Variants in RREB1 observed in about 807,000 individuals in gnomAD.
RREB1 encodes ras responsive element binding protein 1.
In RREB1, 27 loss-of-function variants were observed where a neutral mutation model predicts 117.8. The observed-to-expected ratio is 0.23, with a 90% CI of 0.17 to 0.32. The LOEUF is 0.32. Ranked by LOEUF, RREB1 falls within the 10% of genes least tolerant of loss-of-function variation. The pLI is 1.00. For synonymous variants in RREB1, 1,298 were observed against 1,026.7 expected, an observed-to-expected ratio of 1.26 and a Z score of -5.05; for missense variants, 2,577 against 2,378.2, an observed-to-expected ratio of 1.08 and a Z score of -1.74.
Position 7,210,870 on chromosome 6 carries a change from A to G in RREB1, c.492A>G (p.Lys164=). Residue 164 remains lysine, a synonymous_variant, in exon 7 of 13, where the codon AAA becomes AAG. Coordinates refer to ENST00000379938, the MANE Select transcript of RREB1 (RefSeq NM_001003699.4). ...ATATAPPSPL[K]RRRLSSKRKL... ...CCACAGCCCCTCCATCTCCTCTGAA[A>G]CGTAGGCGATTGTCCTCCAAGAGGA... The G allele has an allele frequency of 6.2e-7, 1 of 1,614,116 alleles. No individual in the cohort carries two copies. The highest frequency in any genetic ancestry group is 1.1e-5 in the South Asian group (1 of 91,078).
In RREB1 at chr6:7,184,235, C is replaced by T. The variant is rs564307103; in HGVS notation, c.171+2153C>T. On this transcript the variant is annotated intron_variant, in intron 4 of 12. Coordinates refer to ENST00000379938, the MANE Select transcript of RREB1 (RefSeq NM_001003699.4). The stretch of plus-strand genomic sequence containing the variant: ...CAGGAGGGCCTCTCTTCCAGTATCA[C>T]AGTGCTGTCTTTTCTAGTAGGTTCA... Among the ~76,000 whole-genome samples, 9 of 152,000 alleles carry T rather than the reference C, an allele frequency of 5.9e-5. No individual in the cohort carries two copies. In the South Asian group the frequency reaches 1.9e-3, roughly 32 times the overall value.
At chr6:7,119,425 G>A (rs973249553) in intron 1 of RREB1, among the ~76,000 whole-genome samples, 1 of 152,170 alleles carries the variant, frequency 6.6e-6, no homozygotes, top group Non-Finnish European at 1.5e-5. Flanking sequence ...CCACCAGTGT[G>A]TGGCCTTTGT....
chr6:7,244,548 A>G (rs1344360959), intron 11 of RREB1, among the ~76,000 whole-genome samples: 1 of 152,218 alleles, frequency 6.6e-6, no homozygotes, highest in African/African-American at 2.4e-5. Flanking sequence ...TTTCCTTGGA[A>G]TGTGGCCCAG....
chr6:7,184,770 T>G (rs1764992012), intron 4 of RREB1: 1 of 151,734 alleles, frequency 6.6e-6, no homozygotes, highest in Non-Finnish European at 1.5e-5. Context: ...GCAAGATGAT[T>G]TTTTAAACAA....
intron 1 of RREB1, among the ~76,000 whole-genome samples, chr6:7,170,919 C>CA (rs1764174049): frequency 6.6e-6 from 1 of 152,158 alleles, no homozygotes; most frequent in African/African-American, 2.4e-5. Context: ...CTCAGAAACT[C>CA]ACACTGCTGT....
intron 6 of RREB1, among the ~76,000 whole-genome samples, chr6:7,192,765 T>C (rs1331401492): frequency 6.6e-6 from 1 of 152,218 alleles, no homozygotes; most frequent in African/African-American, 2.4e-5. Context: ...TTGATTTCCC[T>C]CTATTCTGTT....
At chr6:7,140,491 A>T (rs759673578) in intron 1 of RREB1, among the ~76,000 whole-genome samples, 2 of 152,256 alleles carry the variant, frequency 1.3e-5, no homozygotes, top group Non-Finnish European at 2.9e-5. Context: ...CAGATATAGA[A>T]TAAACGTGTT....
intron 6 of RREB1, among the ~76,000 whole-genome samples, chr6:7,193,739 G>A (rs1015900056): frequency 1.6e-4 from 25 of 152,198 alleles, no homozygotes; most frequent in African/African-American, 6.0e-4. Context: ...GAACATAATT[G>A]TATGCAATAT....
At chr6:7,245,467 C>G (rs2113190993) in intron 11 of RREB1, among the ~76,000 whole-genome samples, 1 of 152,336 alleles carries the variant, frequency 6.6e-6, no homozygotes, top group African/African-American at 2.4e-5. Flanking sequence ...TTCCAATGTA[C>G]TGTCGTAATG....
At position 7,240,534 on chromosome 6, in the gene RREB1, G is replaced by C; in HGVS notation, c.3905G>C (p.Cys1302Ser). Residue 1302 changes from cysteine to serine, a missense_variant, in exon 11 of 13, where the codon TGT (cysteine) becomes TCT (serine). Transcript: ENST00000379938. ...TTGCGCAAACACGGAGTTACCACCT[G>C]TTCCCTGAGAAGAAACGGGCTTATC... ...HQLRKHGVTT[C>S]SLRRNGLIPQ... 6.2e-7 allele frequency: 1 copy of C among 1,613,976 alleles called. No individual in the cohort carries two copies. Among genetic ancestry groups the C allele is most frequent in the Non-Finnish European group, 8.5e-7 (1 of 1,179,934 alleles).
At chr6:7,129,643 G>T (rs1321404247) in intron 1 of RREB1, among the ~76,000 whole-genome samples, 1 of 152,242 alleles carries the variant, frequency 6.6e-6, no homozygotes, top group East Asian at 1.9e-4. Flanking sequence ...TACAGCCATA[G>T]ACTTGTTGAA....
intron 6 of RREB1, among the ~76,000 whole-genome samples, chr6:7,202,413 G>C (rs549953017): frequency 3.0e-4 from 45 of 152,200 alleles, no homozygotes; most frequent in Non-Finnish European, 5.9e-4. Context: ...AGTGGGAAAT[G>C]GCCCGTGACT....
At chr6:7,245,159 G>GCTGAGGTGGGTAGATCGC (rs1768928961) in intron 11 of RREB1, among the ~76,000 whole-genome samples, 1 of 152,230 alleles carries the variant, frequency 6.6e-6, no homozygotes, top group Non-Finnish European at 1.5e-5. Flanking sequence ...ACTTTGGGAG[G>GCTGAGGTGGGTAGATCGC]CTGAGGTGGG....
intron 1 of RREB1, among the ~76,000 whole-genome samples, chr6:7,131,367 T>C (rs911406307): frequency 6.6e-6 from 1 of 152,256 alleles, no homozygotes; most frequent in African/African-American, 2.4e-5. Flanking sequence ...GAAGGTGGCA[T>C]TTGGGGAGGT....
At chr6:7,177,768 G>T (rs1003462221) in intron 2 of RREB1, among the ~76,000 whole-genome samples, 1 of 151,980 alleles carries the variant, frequency 6.6e-6, no homozygotes, top group African/African-American at 2.4e-5. Context: ...TGTCACCCAG[G>T]CTGGAGTGTA....
chr6:7,216,863 C>G (rs894307396), intron 8 of RREB1: 1 of 152,296 alleles, frequency 6.6e-6, no homozygotes, highest in African/African-American at 2.4e-5. Context: ...AAGCCTTGGT[C>G]AGGACTACCC....
At chr6:7,163,611 G>A (rs912628487) in intron 1 of RREB1, among the ~76,000 whole-genome samples, 9 of 152,034 alleles carry the variant, frequency 5.9e-5, no homozygotes. Context: ...AGCCAGGATG[G>A]TCTCGATCTC....
intron 1 of RREB1, among the ~76,000 whole-genome samples, chr6:7,166,850 C>G (rs1375545713): frequency 6.6e-6 from 1 of 152,182 alleles, no homozygotes; most frequent in Non-Finnish European, 1.5e-5. Flanking sequence ...GCACCCTTTC[C>G]CTGAGCATGT....
At chr6:7,138,699 C>T (rs1490805295) in intron 1 of RREB1, among the ~76,000 whole-genome samples, 1 of 152,140 alleles carries the variant, frequency 6.6e-6, no homozygotes, top group African/African-American at 2.4e-5. Context: ...AAGGCACCCA[C>T]CAGTATACAC....
Sources: allele counts gnomAD v4.1 joint callset (sites outside exome capture counted in the v4.1 genomes callset), GRCh38; gene constraint gnomAD v4.1.1; transcripts MANE v1.5; gene names NCBI Gene and HGNC (gene_info 2026-07-23, HGNC 2026-07-21).